Variants in NAALADL2 observed in about 807,000 individuals in gnomAD.
NAALADL2 encodes N-acetylated alpha-linked acidic dipeptidase like 2.
NAALADL2 carries 76 observed loss-of-function variants against 87.2 expected under a neutral mutation model. That is an observed-to-expected ratio of 0.87 (90% CI 0.72 to 1.05). The LOEUF (loss-of-function observed/expected upper bound fraction) is 1.05, where lower values mean the gene tolerates loss of function less well. Among genes scored for constraint, NAALADL2 ranks in the 50% least tolerant of loss-of-function variants. The pLI, the probability that NAALADL2 is intolerant of heterozygous loss-of-function variation, is 0.00. For synonymous variants in NAALADL2, 354 were observed against 331.0 expected (o/e 1.07, Z -0.75); for missense variants, 1,089 against 945.8 (o/e 1.15, Z -1.99).
chr3:174,821,197 C>G (rs1721379733), intron 3 of NAALADL2, among the ~76,000 whole-genome samples: 1 of 152,068 alleles, frequency 6.6e-6, no homozygotes, highest in African/African-American at 2.4e-5. Flanking sequence ...TTGCTTCAGA[C>G]CTATATAGGT....
chr3:174,784,526 CCTTTT>C (rs1716370409), intron 3 of NAALADL2, among the ~76,000 whole-genome samples: 1 of 152,110 alleles, frequency 6.6e-6, no homozygotes, highest in African/African-American at 2.4e-5. Flanking sequence ...ACGATAAAAA[CCTTTT>C]CTTAAGTGTA....
intron 1 of NAALADL2, among the ~76,000 whole-genome samples, chr3:174,991,648 T>C (rs969570847): frequency 6.6e-6 from 1 of 152,040 alleles, no homozygotes; most frequent in Admixed American, 6.6e-5. Flanking sequence ...GCAATTAAAA[T>C]ATGCTTCTGT....
In NAALADL2 at chr3:175,330,410, G is replaced by A. The variant is rs568671172; in HGVS notation, c.1090+6085G>A. Among the ~76,000 whole-genome samples, 137 of 150,676 alleles carry A rather than the reference G, an allele frequency of 9.1e-4. 1 individual carries two copies. Among genetic ancestry groups the A allele is most frequent in the Non-Finnish European group, 1.6e-3 (110 of 67,866 alleles). ...GTGAGTCATGATCACAGTACTTCAC[G>A]CAAGCCTTGGTTACAGAGCTAGACT... On this transcript the variant is annotated intron_variant, in intron 5 of 13. Transcript: ENST00000454872.
At position 175,482,821 on chromosome 3, in the gene NAALADL2, C is replaced by T. The variant is rs925620931; in HGVS notation, c.1653+11063C>T. Among the ~76,000 whole-genome samples, 27 of 151,468 alleles carry T rather than the reference C, an allele frequency of 1.8e-4. 1 individual carries two copies. Among genetic ancestry groups the T allele is most frequent in the African/African-American group, 5.8e-4 (24 of 41,324 alleles). Reference sequence around the variant, plus strand: ...AAGGATAGTAGAAATTTAACATAATCTTTTGAGATTAACACTTGATACTCT... The same window carrying T: ...AAGGATAGTAGAAATTTAACATAATTTTTTGAGATTAACACTTGATACTCT... On this transcript the variant is annotated intron_variant, in intron 9 of 13. Transcript: ENST00000454872.
intron 13 of NAALADL2, among the ~76,000 whole-genome samples, chr3:175,795,456 G>A (rs1023309721): frequency 4.6e-5 from 7 of 151,640 alleles, no homozygotes; most frequent in Admixed American, 2.0e-4. Flanking sequence ...AGTGGATCAC[G>A]AGGTCAGGAT....
chr3:175,248,678 G>T (rs574205005), intron 3 of NAALADL2, among the ~76,000 whole-genome samples: 1 of 152,236 alleles, frequency 6.6e-6, no homozygotes, highest in South Asian at 2.1e-4. Flanking sequence ...TTGGTGCTCA[G>T]AACAGAAAGA....
chr3:175,530,496 G>T (rs1340560668), intron 9 of NAALADL2, among the ~76,000 whole-genome samples: 1 of 152,142 alleles, frequency 6.6e-6, no homozygotes, highest in Non-Finnish European at 1.5e-5. Flanking sequence ...TCCCTTCATT[G>T]CTGTCCTTCA....
chr3:175,393,726 G>A (rs1769379062), intron 5 of NAALADL2, among the ~76,000 whole-genome samples: 1 of 152,110 alleles, frequency 6.6e-6, no homozygotes, highest in African/African-American at 2.4e-5. Flanking sequence ...TATTTGCTAA[G>A]AGAAAAGCTG....
intron 13 of NAALADL2, among the ~76,000 whole-genome samples, chr3:175,770,839 C>T (rs1480009665): frequency 6.6e-6 from 1 of 152,128 alleles, no homozygotes; most frequent in African/African-American, 2.4e-5. Context: ...AATATAGGCA[C>T]CAAATGTTAA....
At chr3:174,868,772 TC>T (rs1727456952) in intron 1 of NAALADL2, among the ~76,000 whole-genome samples, 1 of 152,150 alleles carries the variant, frequency 6.6e-6, no homozygotes, top group African/African-American at 2.4e-5. Context: ...AAACAGTTAT[TC>T]TAAACTGTAA....
At chr3:175,077,477 A>G (rs897218991) in intron 1 of NAALADL2, among the ~76,000 whole-genome samples, 5 of 152,190 alleles carry the variant, frequency 3.3e-5, no homozygotes, top group Non-Finnish European at 5.9e-5. Flanking sequence ...CAAAATATGT[A>G]TGGGAAATCA....
chr3:174,736,876 A>C (rs943554568), intron 2 of NAALADL2, among the ~76,000 whole-genome samples: 1 of 152,064 alleles, frequency 6.6e-6, no homozygotes, highest in African/African-American at 2.4e-5. Flanking sequence ...GCCCCCTCTC[A>C]GCCTTCTTCC....
At chr3:175,143,194 T>G (rs3827482) in intron 2 of NAALADL2, among the ~76,000 whole-genome samples, 48,629 of 151,678 alleles carry the variant, frequency 0.32, 8,227 homozygotes, top group African/African-American at 0.44. Flanking sequence ...ATACACACAC[T>G]CACACACTCA....
chr3:174,899,258 G>A (rs139981647), intron 1 of NAALADL2, among the ~76,000 whole-genome samples: 1 of 152,002 alleles, frequency 6.6e-6, no homozygotes, highest in Non-Finnish European at 1.5e-5. Context: ...ACATGAAAGA[G>A]AAATGAGTAA....
chr3:175,691,431 C>G (rs1737032728), intron 11 of NAALADL2, among the ~76,000 whole-genome samples: 1 of 151,458 alleles, frequency 6.6e-6, no homozygotes, highest in Admixed American at 6.6e-5. Flanking sequence ...AAATTTCTGT[C>G]TTTAGAGAGT....
intron 1 of NAALADL2, among the ~76,000 whole-genome samples, chr3:174,494,997 T>C (rs896685759): frequency 6.6e-6 from 1 of 152,154 alleles, no homozygotes; most frequent in Non-Finnish European, 1.5e-5. Flanking sequence ...GTCAGCAATA[T>C]GTTATTATAC....
intron 2 of NAALADL2, among the ~76,000 whole-genome samples, chr3:175,204,277 G>A (rs893743847): frequency 6.6e-5 from 10 of 152,192 alleles, no homozygotes; most frequent in African/African-American, 1.2e-4. Flanking sequence ...CCAGGGATAT[G>A]GGGATGGTTT....
At chr3:175,412,444 G>A (rs899332189) in intron 5 of NAALADL2, among the ~76,000 whole-genome samples, 1 of 152,064 alleles carries the variant, frequency 6.6e-6, no homozygotes, top group Non-Finnish European at 1.5e-5. Context: ...ATTAGTATTC[G>A]GATAGCTATT....
At chr3:174,653,024 A>C (rs1724533943) in intron 2 of NAALADL2, among the ~76,000 whole-genome samples, 1 of 152,180 alleles carries the variant, frequency 6.6e-6, no homozygotes, top group Admixed American at 6.5e-5. Context: ...ACTACACACT[A>C]ACTGTAATGA....
Sources: gnomAD v4.1 joint callset for allele counts (sites outside exome capture counted in the v4.1 genomes callset) on GRCh38, gnomAD v4.1.1 for gene constraint, MANE v1.5 for transcripts, NCBI Gene and HGNC (gene_info 2026-07-23, HGNC 2026-07-21) for gene names.